HS3ST4: variants seen among roughly 807,000 people sequenced by gnomAD.
HS3ST4 encodes the protein heparan sulfate glucosamine 3-O-sulfotransferase 4.
A neutral mutation model predicts 29.2 loss-of-function variants in HS3ST4; 17 were observed. The ratio of observed to expected loss-of-function variants is 0.58; its 90% CI spans 0.40 to 0.87. The LOEUF is 0.87. Among genes scored for constraint, HS3ST4 ranks in the 40% least tolerant of loss-of-function variants. HS3ST4 has a pLI of 0.00. For missense variants in HS3ST4, 627 were observed against 634.5 expected (o/e 0.99, Z 0.13); for synonymous variants, 314 against 285.7 (o/e 1.10, Z -1.00).
At chr16:25,791,223 C>T (rs1966868551) in intron 1 of HS3ST4, among the ~76,000 whole-genome samples, 1 of 151,996 alleles carries the variant, frequency 6.6e-6, no homozygotes, top group Non-Finnish European at 1.5e-5. Flanking sequence ...TATATCTGTT[C>T]TCTGTATTCT....
intron 1 of HS3ST4, among the ~76,000 whole-genome samples, chr16:25,960,128 C>A (rs189705100): frequency 1.3e-5 from 2 of 152,154 alleles, no homozygotes; most frequent in Non-Finnish European, 2.9e-5. Flanking sequence ...AAGAGTGAAA[C>A]TCCGTCTCAA....
At chr16:25,902,413 T>C (rs1046786585) in intron 1 of HS3ST4, among the ~76,000 whole-genome samples, 1 of 152,020 alleles carries the variant, frequency 6.6e-6, no homozygotes, top group Non-Finnish European at 1.5e-5. Context: ...GGAGGATTGC[T>C]CAAGGCTGAA....
chr16:26,040,546 C>T, intron 1 of HS3ST4, among the ~76,000 whole-genome samples: 1 of 151,846 alleles, frequency 6.6e-6, no homozygotes, highest in East Asian at 1.9e-4. Context: ...CTCAGGTGAT[C>T]CACCCGCCTC....
chr16:25,980,767 C>T (rs1452387706), intron 1 of HS3ST4, among the ~76,000 whole-genome samples: 1 of 152,152 alleles, frequency 6.6e-6, no homozygotes, highest in Non-Finnish European at 1.5e-5. Flanking sequence ...TGCTTACACT[C>T]ACAGATCCCT....
chr16:26,044,570 C>G (rs1898243154), intron 1 of HS3ST4, among the ~76,000 whole-genome samples: 1 of 152,112 alleles, frequency 6.6e-6, no homozygotes, highest in African/African-American at 2.4e-5. Context: ...TTTCATCTGG[C>G]TATTCCTCCC....
At chr16:25,808,855 T>C (rs535201081) in intron 1 of HS3ST4, among the ~76,000 whole-genome samples, 1 of 152,330 alleles carries the variant, frequency 6.6e-6, no homozygotes, top group Non-Finnish European at 1.5e-5. Context: ...TATTTTATTT[T>C]CTTTGGAGCA....
intron 1 of HS3ST4, among the ~76,000 whole-genome samples, chr16:25,986,186 G>A (rs978329284): frequency 6.6e-6 from 1 of 152,140 alleles, no homozygotes; most frequent in Non-Finnish European, 1.5e-5. Flanking sequence ...CTAACAAAAT[G>A]TATGGTATAC....
At chr16:25,782,866 C>T (rs1053204934) in intron 1 of HS3ST4, among the ~76,000 whole-genome samples, 4 of 152,060 alleles carry the variant, frequency 2.6e-5, no homozygotes, top group East Asian at 3.9e-4. Context: ...ATGAAATGCC[C>T]GTCTTATTGG....
At chr16:25,751,444 G>A (rs2141602013) in intron 1 of HS3ST4, among the ~76,000 whole-genome samples, 1 of 152,300 alleles carries the variant, frequency 6.6e-6, no homozygotes. Flanking sequence ...AATGTCAGAG[G>A]ATGTTACACA....
At chr16:25,879,046 C>CAGG (rs1967865839) in intron 1 of HS3ST4, among the ~76,000 whole-genome samples, 1 of 152,174 alleles carries the variant, frequency 6.6e-6, no homozygotes, top group African/African-American at 2.4e-5. Flanking sequence ...TAGGGTGTCA[C>CAGG]TGACTGAAGC....
chr16:25,986,367 C>T (rs1171391379), intron 1 of HS3ST4, among the ~76,000 whole-genome samples: 1 of 152,152 alleles, frequency 6.6e-6, no homozygotes, highest in Non-Finnish European at 1.5e-5. Context: ...TTTCTTGTTA[C>T]CCCCACTTTA....
intron 1 of HS3ST4, among the ~76,000 whole-genome samples, chr16:26,069,821 C>T (rs1898582006): frequency 6.6e-6 from 1 of 150,758 alleles, no homozygotes; most frequent in African/African-American, 2.4e-5. Context: ...GTTTTTTGTC[C>T]TTGCCATAGT....
chr16:25,735,376 A>G (rs1596556247), intron 1 of HS3ST4, among the ~76,000 whole-genome samples: 1 of 151,506 alleles, frequency 6.6e-6, no homozygotes, highest in Admixed American at 6.6e-5. Flanking sequence ...CTCTGTTCTC[A>G]TGTGTACTTT....
At chr16:26,111,696 A>G (rs1420031417) in intron 1 of HS3ST4, among the ~76,000 whole-genome samples, 1 of 152,098 alleles carries the variant, frequency 6.6e-6, no homozygotes, top group Admixed American at 6.5e-5. Flanking sequence ...CCTTTTTAAT[A>G]CATATTTTAT....
At chr16:26,032,937 C>T in intron 1 of HS3ST4, 1 of 762,696 alleles carries the variant, frequency 1.3e-6, no homozygotes, top group East Asian at 3.0e-5. Flanking sequence ...TGTTTTAAGA[C>T]TGATTTAGAT....
chr16:26,087,505 C>T (rs1349260555), intron 1 of HS3ST4, among the ~76,000 whole-genome samples: 1 of 152,114 alleles, frequency 6.6e-6, no homozygotes, highest in African/African-American at 2.4e-5. Flanking sequence ...CCCTCACTCC[C>T]TCAGCGTCCA....
intron 1 of HS3ST4, among the ~76,000 whole-genome samples, chr16:25,917,196 C>T (rs1968301693): frequency 6.6e-6 from 1 of 152,046 alleles, no homozygotes; most frequent in African/African-American, 2.4e-5. Context: ...ATTCTATTAT[C>T]ACTCTTTCTA....
At chr16:26,040,106 G>A (rs1331268471) in intron 1 of HS3ST4, among the ~76,000 whole-genome samples, 3 of 151,994 alleles carry the variant, frequency 2.0e-5, no homozygotes, top group Non-Finnish European at 2.9e-5. Flanking sequence ...TATTTCCAGT[G>A]TTTTTACTGT....
intron 1 of HS3ST4, among the ~76,000 whole-genome samples, chr16:25,840,916 ACT>A (rs1967405011): frequency 6.6e-6 from 1 of 151,568 alleles, no homozygotes; most frequent in Non-Finnish European, 1.5e-5. Context: ...AAGACAGAAG[ACT>A]CTCATAGTTG....
Sources: allele counts gnomAD v4.1 joint callset (sites outside exome capture counted in the v4.1 genomes callset), GRCh38; gene constraint gnomAD v4.1.1; transcripts MANE v1.5; gene names NCBI Gene and HGNC (gene_info 2026-07-23, HGNC 2026-07-21).